HABP2: variants seen among roughly 807,000 people sequenced by gnomAD.
HABP2 encodes the protein factor VII-activating protease.
A neutral mutation model predicts 66.5 loss-of-function variants in HABP2; 65 were observed. The ratio of observed to expected loss-of-function variants is 0.98; its 90% CI spans 0.80 to 1.20. HABP2 has a LOEUF of 1.20. Ranked by LOEUF, HABP2 falls within the 50% of genes most tolerant of loss-of-function variation. The probability of loss-of-function intolerance (pLI) is 0.00; values close to 1 mark genes in which losing one functional copy is unlikely to be tolerated. For missense variants in HABP2, 786 were observed against 691.0 expected (o/e 1.14, Z -1.54); for synonymous variants, 263 against 253.9 (o/e 1.04, Z -0.34).
chr10:113,560,195 A>G (rs1413007869), intron 1 of HABP2, among the ~76,000 whole-genome samples: 4 of 152,212 alleles, frequency 2.6e-5, no homozygotes, highest in Non-Finnish European at 4.4e-5. Flanking sequence ...TTCAGGTGAA[A>G]GCAAAGCTGC....
In HABP2 at chr10:113,578,151, G is replaced by A; in HGVS notation, c.568+6G>A. On this transcript the variant is annotated splice_donor_region_variant and intron_variant, in intron 6 of 12. Coordinates refer to ENST00000351270, the MANE Select transcript of HABP2 (RefSeq NM_004132.5). ...GGGGAAATTCTGTGAAATAGGTATGGGTCTCTGCCACCATCAGGGCCACAA... is the reference window on the plus strand; with the variant it reads ...GGGGAAATTCTGTGAAATAGGTATGAGTCTCTGCCACCATCAGGGCCACAA... The A allele has an allele frequency of 6.2e-7, 1 of 1,613,970 alleles. No individual in the cohort carries two copies.
intron 1 of HABP2, among the ~76,000 whole-genome samples, chr10:113,554,713 C>T (rs564524849): frequency 2.0e-5 from 3 of 152,246 alleles, no homozygotes; most frequent in Admixed American, 6.5e-5. Flanking sequence ...CTAAACTTTG[C>T]GGGCAAGGAG....
chr10:113,571,538 G>A (rs1252109062), intron 2 of HABP2, among the ~76,000 whole-genome samples: 1 of 151,998 alleles, frequency 6.6e-6, no homozygotes, highest in African/African-American at 2.4e-5. Flanking sequence ...GAACCAAGGG[G>A]CAGGGAAACT....
chr10:113,551,803 C>T (rs1177674169), upstream of HABP2, among the ~76,000 whole-genome samples: 1 of 150,624 alleles, frequency 6.6e-6, no homozygotes, highest in Non-Finnish European at 1.5e-5. Context: ...GAGACTCTGT[C>T]TCAAAATAAT....
In HABP2 at chr10:113,553,180, CAGCCTGTGGGGTA is replaced by C; in HGVS notation, c.62_69+5del. On this transcript the variant is annotated splice_donor_variant and splice_donor_region_variant and coding_sequence_variant and intron_variant, in exon 1 of 13. Transcript: ENST00000351270. LOFTEE classifies it high-confidence loss of function. ...CTGTTAATGGCTCTGGTGGGAAAGACAGCCTGTGGGGTAAGTGTTCTTTTCTAATATTTGTAGT... is the reference window on the plus strand; with the variant it reads ...CTGTTAATGGCTCTGGTGGGAAAGACAGTGTTCTTTTCTAATATTTGTAGT... 1 of 1,609,882 alleles carries C rather than the reference CAGCCTGTGGGGTA, an allele frequency of 6.2e-7. No homozygotes were observed. The highest frequency in any genetic ancestry group is 8.5e-7 in the Non-Finnish European group (1 of 1,176,102).
At chr10:113,570,275 C>G (rs1411512697) in intron 2 of HABP2, 1 of 152,230 alleles carries the variant, frequency 6.6e-6, no homozygotes, top group East Asian at 1.9e-4. Context: ...TGGGCAACCA[C>G]ATTTATTTAG....
rs1477544490 is a variant in HABP2 at position 113,588,539 on chromosome 10, T to C, written c.*170T>C. ...GCCTGGGCCTTCCCAGACCAGCATT[T>C]GCACAATATCACCAGGCTTCTTCTG... is the stretch of plus-strand genomic sequence containing the variant. On this transcript the variant is annotated 3_prime_UTR_variant, in exon 13 of 13. Transcript: ENST00000351270. The C allele has an allele frequency of 1.8e-6, 1 of 561,174 alleles. No individual in the cohort carries two copies. Among genetic ancestry groups the C allele is most frequent in the East Asian group, 2.9e-5 (1 of 35,020 alleles). The allele number at this position is 561,174 out of a possible 1,614,324, so 34.8% of individuals were successfully genotyped here. A position where few individuals can be genotyped will look rare whatever the true frequency, so the allele number is the denominator to read the frequency against.
At chr10:113,551,913 T>C (rs1592677672), upstream of HABP2, among the ~76,000 whole-genome samples, 1 of 150,742 alleles carries the variant, frequency 6.6e-6, no homozygotes, top group Admixed American at 6.6e-5. Context: ...GTGGGGGGAG[T>C]TGATGGCTGC....
chr10:113,557,686 C>T (rs1463528893), intron 1 of HABP2, among the ~76,000 whole-genome samples: 1 of 152,176 alleles, frequency 6.6e-6, no homozygotes, highest in African/African-American at 2.4e-5. Context: ...GTCGGCTCTT[C>T]CGGCACTCTG....
chr10:113,579,202 T>C (rs1158810077), intron 7 of HABP2, among the ~76,000 whole-genome samples: 1 of 150,582 alleles, frequency 6.6e-6, no homozygotes, highest in East Asian at 1.9e-4. Context: ...GAGGCTGTAG[T>C]GAGCCACTGC....
intron 2 of HABP2, among the ~76,000 whole-genome samples, chr10:113,568,140 G>A (rs1030991754): frequency 3.3e-5 from 5 of 152,190 alleles, no homozygotes; most frequent in South Asian, 2.1e-4. Flanking sequence ...TGCCCACAGC[G>A]TGCGCAAGCT....
chr10:113,583,828 G>A (rs976844237), intron 10 of HABP2, among the ~76,000 whole-genome samples: 6 of 152,102 alleles, frequency 3.9e-5, no homozygotes, highest in Admixed American at 6.5e-5. Flanking sequence ...TCTGTATCCC[G>A]TTTCCCTTTT....
intron 1 of HABP2, among the ~76,000 whole-genome samples, chr10:113,562,485 C>T (rs1299930256): frequency 6.8e-6 from 1 of 147,982 alleles, no homozygotes; most frequent in African/African-American, 2.5e-5. Flanking sequence ...CATTCTTTCA[C>T]CCAAGCTGGA....
chr10:113,552,442 T>G (rs1471538960), upstream of HABP2, among the ~76,000 whole-genome samples: 1 of 152,024 alleles, frequency 6.6e-6, no homozygotes, highest in African/African-American at 2.4e-5. Context: ...GAACACCATG[T>G]TTTTTTTCCT....
upstream of HABP2, among the ~76,000 whole-genome samples, chr10:113,552,360 C>T (rs1844913176): frequency 6.6e-6 from 1 of 152,168 alleles, no homozygotes; most frequent in South Asian, 2.1e-4. Context: ...TAGGTAATTG[C>T]TGCTTGACAG....
chr10:113,568,250 C>G (rs1451140320), intron 2 of HABP2, among the ~76,000 whole-genome samples: 1 of 152,228 alleles, frequency 6.6e-6, no homozygotes, highest in Non-Finnish European at 1.5e-5. Context: ...AAATTCTGCT[C>G]GCCACTCCAT....
Position 113,579,929 on chromosome 10 carries a change from C to T in HABP2, c.741-666C>T, listed in dbSNP as rs546478287. ...TTCCAAGTAGCTGGGATTACAGGTG[C>T]GCACCACCACACCCGGCTAATTTTT... On this transcript the variant is annotated intron_variant, in intron 7 of 12. Transcript: ENST00000351270. Among the ~76,000 whole-genome samples the T allele has an allele frequency of 1.7e-3, 264 of 152,114 alleles. 2 individuals are homozygous for T. The Middle Eastern group carries it at 0.034, about 20-fold the overall frequency.
chr10:113,582,895 A>G (rs1443937422), intron 9 of HABP2, among the ~76,000 whole-genome samples: 3 of 152,208 alleles, frequency 2.0e-5, no homozygotes, highest in Non-Finnish European at 4.4e-5. Context: ...AAGAGAGGTC[A>G]AGCAGGCAAA....
chr10:113,580,001 C>T (rs1448738587), intron 7 of HABP2, among the ~76,000 whole-genome samples: 1 of 152,044 alleles, frequency 6.6e-6, no homozygotes, highest in South Asian at 2.1e-4. Context: ...AGCCTGGTCT[C>T]GAACTCTTGA....
Sources: allele counts gnomAD v4.1 joint callset (sites outside exome capture counted in the v4.1 genomes callset), GRCh38; gene constraint gnomAD v4.1.1; transcripts MANE v1.5; gene names NCBI Gene and HGNC (gene_info 2026-07-23, HGNC 2026-07-21).